KAT6A: variants seen among roughly 807,000 people sequenced by gnomAD.
The protein encoded by KAT6A is histone acetyltransferase KAT6A.
KAT6A carries 9 observed loss-of-function variants against 198.4 expected under a neutral mutation model. The ratio of observed to expected loss-of-function variants is 0.05; its 90% confidence interval spans 0.03 to 0.08. KAT6A has a LOEUF of 0.08. Ranked by LOEUF, KAT6A falls within the 10% of genes least tolerant of loss-of-function variation. The probability of loss-of-function intolerance (pLI) is 1.00; values close to 1 mark genes in which losing one functional copy is unlikely to be tolerated. For missense variants in KAT6A, 2,077 were observed against 2,509.9 expected (o/e 0.83, Z 3.69); for synonymous variants, 890 against 883.0 (o/e 1.01, Z -0.14).
rs1824090532 is a variant in KAT6A at position 41,977,072 on chromosome 8, G to A, written c.1299C>T (p.Tyr433=). The part of the protein sequence containing the change: ...GRKARGEVVD[Y]SEQYRIRKRG... ...TCTTTCTGATTCGATATTGCTCAGA[G>A]TAGTCCACCACTTCCCCCCGAGCTT... Residue 433 remains tyrosine, a synonymous_variant, in exon 7 of 17, where the codon TAC becomes TAT. Coordinates refer to ENST00000265713, the MANE Select transcript of KAT6A (RefSeq NM_006766.5). 3 of 1,614,168 alleles carry A rather than the reference G, an allele frequency of 1.9e-6. No homozygotes were observed. Among genetic ancestry groups the A allele is most frequent in the Non-Finnish European group, 2.5e-6 (3 of 1,180,014 alleles).
chr8:41,931,409 T>C lies in KAT6A; in HGVS notation c.*796A>G, dbSNP rs1377650312. 2 of 209,982 alleles carry C rather than the reference T, an allele frequency of 9.5e-6. No homozygotes were observed. Among genetic ancestry groups the C allele is most frequent in the Non-Finnish European group, 1.9e-5 (2 of 103,184 alleles). The allele number at this position is 209,982 out of a possible 1,614,324, so 13.0% of individuals were successfully genotyped here. On this transcript the variant is annotated 3_prime_UTR_variant, in exon 17 of 17. Transcript: ENST00000265713. ...AAACAGCTTTTCTCTGAGATTCTGCTGTTAATTGAGACTTACAGTATTTTT... is the reference window on the plus strand; with the variant it reads ...AAACAGCTTTTCTCTGAGATTCTGCCGTTAATTGAGACTTACAGTATTTTT...
chr8:42,025,337 G>A (rs531780817), intron 2 of KAT6A, among the ~76,000 whole-genome samples: 2 of 149,932 alleles, frequency 1.3e-5, no homozygotes, highest in African/African-American at 5.0e-5. Context: ...TCAGCCTTCC[G>A]AGTAGCTGGG....
chr8:42,000,036 G>T lies in KAT6A; in HGVS notation c.601-12473C>A, dbSNP rs556978669. Among the ~76,000 whole-genome samples the T allele has an allele frequency of 4.6e-5, 7 of 152,228 alleles. 1 individual carries two copies. In the South Asian group the frequency reaches 1.0e-3, roughly 23 times the overall value. ...ACTTCTTAACTCAGGGCAAGTTTTA[G>T]TTCTATTTTAACTTCCTGAAATAGG... On this transcript the variant is annotated intron_variant, in intron 2 of 16. Transcript: ENST00000265713.
At chr8:41,972,756 T>C (rs1173731389) in intron 8 of KAT6A, among the ~76,000 whole-genome samples, 1 of 152,332 alleles carries the variant, frequency 6.6e-6, no homozygotes, top group Non-Finnish European at 1.5e-5. Flanking sequence ...ACCATGGTCA[T>C]GTATGAGAAC....
intron 2 of KAT6A, among the ~76,000 whole-genome samples, chr8:42,025,736 T>C (rs922942517): frequency 2.6e-5 from 4 of 152,202 alleles, no homozygotes; most frequent in African/African-American, 4.8e-5. Context: ...GTTTTCTTTG[T>C]TGGGCAGTAG....
rs551944327 is a variant in KAT6A, at chr8:42,016,928, CTT to C, written c.601-29367_601-29366del. Among the ~76,000 whole-genome samples the C allele has an allele frequency of 1.8e-4, 27 of 152,186 alleles. No individual in the cohort carries two copies. The South Asian group carries it at 5.4e-3, about 30-fold the overall frequency. ...CAAAAAAAAATTAGCACTACATACA[CTT>C]TTATTTTCCCCAAATTTTTATCAAT... On this transcript the variant is annotated intron_variant, in intron 2 of 16. Coordinates refer to ENST00000265713, the MANE Select transcript of KAT6A (RefSeq NM_006766.5).
At chr8:41,947,964 G>A (rs767826986) in intron 10 of KAT6A, 52 bp from the exon 11 acceptor site, 2 of 1,386,714 alleles carry the variant, frequency 1.4e-6, no homozygotes, top group East Asian at 2.4e-5. Flanking sequence ...TTTAGTTCTA[G>A]AATAATATGT....
At position 41,971,359 on chromosome 8, in the gene KAT6A, C is replaced by T. The variant is rs1190732749; in HGVS notation, c.1482+3345G>A. 2.0e-5 allele frequency among the ~76,000 whole-genome samples: 3 copies of T among 152,034 alleles called. No individual in the cohort carries two copies. The East Asian group carries it at 5.8e-4, about 29-fold the overall frequency. ...TCAGGGGATAGAGTGACACAATGGG[C>T]TGTAAGCTATTTTCGTGTGGATATG... On this transcript the variant is annotated intron_variant, in intron 8 of 16. Coordinates refer to ENST00000265713, the MANE Select transcript of KAT6A (RefSeq NM_006766.5).
intron 2 of KAT6A, among the ~76,000 whole-genome samples, chr8:41,988,771 G>C (rs1323707128): frequency 1.3e-5 from 2 of 152,218 alleles, no homozygotes; most frequent in East Asian, 3.8e-4. Flanking sequence ...AAAGCAGAAA[G>C]TTTGGAGGAA....
intron 2 of KAT6A, among the ~76,000 whole-genome samples, chr8:42,046,821 C>A (rs374559241): frequency 2.0e-5 from 3 of 152,278 alleles, no homozygotes; most frequent in South Asian, 2.1e-4. Context: ...GCTCAAATTA[C>A]ATAGAGCCAT....
At chr8:42,020,911 GA>G (rs1826497345) in intron 2 of KAT6A, among the ~76,000 whole-genome samples, 1 of 152,054 alleles carries the variant, frequency 6.6e-6, no homozygotes, top group Non-Finnish European at 1.5e-5. Flanking sequence ...TCTGTAACTT[GA>G]TCCTTACCCT....
At chr8:41,951,415 G>GA (rs912373621) in intron 9 of KAT6A, among the ~76,000 whole-genome samples, 92 of 151,740 alleles carry the variant, frequency 6.1e-4, no homozygotes, top group East Asian at 1.9e-4. Context: ...TTCTCTCACA[G>GA]AAAAAAAAGA....
chr8:41,950,629 A>G (rs948332783), intron 9 of KAT6A, among the ~76,000 whole-genome samples: 1 of 152,216 alleles, frequency 6.6e-6, no homozygotes, highest in Non-Finnish European at 1.5e-5. Context: ...GAGAAACCTA[A>G]AAAATTTTGT....
chr8:41,982,874 C>T (rs1457187650), intron 3 of KAT6A, among the ~76,000 whole-genome samples: 1 of 152,130 alleles, frequency 6.6e-6, no homozygotes, highest in Non-Finnish European at 1.5e-5. Context: ...TATGTATGCA[C>T]ATGCACAGGG....
At chr8:41,977,732 A>G (rs1053616336) in intron 6 of KAT6A, among the ~76,000 whole-genome samples, 6 of 152,226 alleles carry the variant, frequency 3.9e-5, no homozygotes, top group African/African-American at 1.2e-4. Flanking sequence ...GCACCAACTG[A>G]AAGTTATACT....
In KAT6A at chr8:42,013,316, C is replaced by T. The variant is rs1330179168; in HGVS notation, c.601-25753G>A. 2.0e-5 allele frequency among the ~76,000 whole-genome samples: 3 copies of T among 149,516 alleles called. No homozygotes were observed. The East Asian group carries it at 5.9e-4, about 29-fold the overall frequency. On this transcript the variant is annotated intron_variant, in intron 2 of 16. Transcript: ENST00000265713. ...CTGTTGCCAGGCTGGAGTGCAGTGG[C>T]GCGATCTTGGCTCACTGCAACCTCC...
At chr8:41,957,128 G>A (rs1321527514) in intron 8 of KAT6A, 1 of 603,222 alleles carries the variant, frequency 1.7e-6, no homozygotes, top group Non-Finnish European at 3.3e-6. Context: ...CGATGTGAAA[G>A]TGGATATCCA....
intron 2 of KAT6A, among the ~76,000 whole-genome samples, chr8:42,012,677 G>A (rs921470081): frequency 6.6e-6 from 1 of 152,170 alleles, no homozygotes; most frequent in African/African-American, 2.4e-5. Flanking sequence ...ATAAATTTCT[G>A]CTGTTTTAAA....
intron 2 of KAT6A, among the ~76,000 whole-genome samples, chr8:41,992,031 T>A (rs1307748372): frequency 1.3e-5 from 2 of 151,866 alleles, no homozygotes; most frequent in Admixed American, 1.3e-4. Context: ...CAAAACCCCA[T>A]CTCTACAAAA....
Sources: gnomAD v4.1 joint callset for allele counts (sites outside exome capture counted in the v4.1 genomes callset) on GRCh38, gnomAD v4.1.1 for gene constraint, MANE v1.5 for transcripts, NCBI Gene and HGNC (gene_info 2026-07-23, HGNC 2026-07-21) for gene names.